Variants in NSD3 observed in about 807,000 individuals in gnomAD.
The protein encoded by NSD3 is histone-lysine N-methyltransferase NSD3.
Under a neutral mutation model 160.8 loss-of-function variants are expected in NSD3, and 24 were observed. The ratio of observed to expected loss-of-function variants is 0.15; its 90% CI spans 0.11 to 0.21. NSD3 has a LOEUF of 0.21. Ranked by LOEUF, NSD3 falls within the 10% of genes least tolerant of loss-of-function variation. The pLI, the probability that NSD3 is intolerant of heterozygous loss-of-function variation, is 1.00. For missense variants in NSD3, 1,157 were observed against 1,735.9 expected (o/e 0.67, Z 5.93); for synonymous variants, 520 against 600.0 (o/e 0.87, Z 1.95).
intron 19 of NSD3, among the ~76,000 whole-genome samples, chr8:38,287,778 G>A (rs1490427601): frequency 2.6e-5 from 4 of 151,426 alleles, no homozygotes; most frequent in Admixed American, 1.3e-4. Flanking sequence ...TCAGCCTCCC[G>A]AGTAGCTGGG....
In NSD3 at chr8:38,288,473, C is replaced by G. The variant is rs752973167; in HGVS notation, c.3501+14G>C. ...TTCTGGTCTCTTCCACCCCCCACCA[C>G]CATCCCATGCTACCTTCTTAATGCT... is the stretch of plus-strand genomic sequence containing the variant. On this transcript the variant is annotated intron_variant, in intron 19 of 23. Coordinates refer to ENST00000317025, the MANE Select transcript of NSD3 (RefSeq NM_023034.2). This position sits in a 1 kb window ranked among gnomAD's most constrained non-coding sequence, Gnocchi z 4.5. The G allele has an allele frequency of 6.2e-7, 1 of 1,612,060 alleles. No individual in the cohort carries two copies. The highest frequency in any genetic ancestry group is 8.5e-7 in the Non-Finnish European group (1 of 1,178,428).
Position 38,275,685 on chromosome 8 carries a change from AT to A in NSD3, c.4269del (p.Lys1423AsnfsTer13). The stretch of plus-strand genomic sequence containing the variant: ...CCATGATCTTGTGATTCCCATTTAC[AT>A]TTTATCTTGCTCCAGTATTCTGGTG... ...PVSPEYWSKI[K>X]CKWESQDHGE... On this transcript the variant is annotated frameshift_variant, in exon 24 of 24. Transcript: ENST00000317025. LOFTEE classifies it high-confidence loss of function. 1 of 1,614,108 alleles carries A rather than the reference AT, an allele frequency of 6.2e-7. No individual in the cohort carries two copies. The highest frequency in any genetic ancestry group is 2.2e-5 in the East Asian group (1 of 44,890).
At chr8:38,315,744 T>A (rs1011121526) in intron 10 of NSD3, among the ~76,000 whole-genome samples, 168 bp downstream of exon 10, 1 of 152,210 alleles carries the variant, frequency 6.6e-6, no homozygotes, top group African/African-American at 2.4e-5. Flanking sequence ...ACAAACAAAC[T>A]ATAGTTTTGT....
intron 17 of NSD3, among the ~76,000 whole-genome samples, chr8:38,290,050 T>C (rs1376101723): frequency 6.6e-6 from 1 of 151,972 alleles, no homozygotes; most frequent in African/African-American, 2.4e-5. Context: ...ACCCTATCTC[T>C]ATAAAAAGTA....
chr8:38,312,162 A>G (rs891716552), intron 12 of NSD3, among the ~76,000 whole-genome samples: 13 of 152,202 alleles, frequency 8.5e-5, no homozygotes, highest in South Asian at 2.1e-4. Context: ...TCTTTATGCC[A>G]GTATCACACT....
Position 38,304,623 on chromosome 8 carries a change from C to A in NSD3, c.2575G>T (p.Ala859Ser), listed in dbSNP as rs1355912305. ...ACGAAACAAAAGCCTACATTTACAG[C>A]AGAAGAATTACTGCTCCGTTTGGAA... is the stretch of plus-strand genomic sequence containing the variant. Reference protein sequence around the residue: ...NHSKRSSNSSAVNVGFCFVCA... With the variant: ...NHSKRSSNSSSVNVGFCFVCA... The change falls in exon 14 of 24, where the codon GCT becomes TCT. Residue 859 changes from alanine (A) to serine (S), a missense_variant. Physicochemically the swap from Ala to Ser is moderately conservative, Grantham distance 99 (BLOSUM62 1). Transcript: ENST00000317025. 6.2e-7 allele frequency: 1 copy of A among 1,613,238 alleles called. No homozygotes were observed. Among genetic ancestry groups the A allele is most frequent in the Non-Finnish European group, 8.5e-7 (1 of 1,179,724 alleles).
Position 38,304,729 on chromosome 8 carries a change from T to C in NSD3, c.2469A>G (p.Pro823=), listed in dbSNP as rs566817618. Residue 823 remains proline, a synonymous_variant, in exon 14 of 24, where the codon CCA becomes CCG. Transcript: ENST00000317025. The part of the protein sequence containing the change: ...KGRMMRCLRC[P]VAYHSGDACI... ...AAGCATCTCCAGAGTGATAGGCAAC[T>C]GGACATCTTAAACATCTCATCATGC... 2 of 1,612,718 alleles carry C rather than the reference T, an allele frequency of 1.2e-6. No homozygotes were observed. The highest frequency in any genetic ancestry group is 1.7e-5 in the Admixed American group (1 of 59,770).
intron 22 of NSD3, 146 bp downstream of exon 22, chr8:38,278,160 G>A (rs535475385): frequency 7.5e-4 from 397 of 527,428 alleles, no homozygotes; most frequent in East Asian, 5.1e-3. Flanking sequence ...GGATGGTCTC[G>A]ATCTCCTGAC....
intron 12 of NSD3, among the ~76,000 whole-genome samples, chr8:38,308,291 T>TAC (rs1214753207): frequency 3.9e-5 from 6 of 152,164 alleles, no homozygotes; most frequent in Non-Finnish European, 8.8e-5. Context: ...AGAAATAAAG[T>TAC]ACAGTAAGGT....
intron 19 of NSD3, among the ~76,000 whole-genome samples, chr8:38,282,794 G>A (rs960486752): frequency 3.9e-5 from 6 of 152,240 alleles, no homozygotes; most frequent in African/African-American, 1.4e-4. Context: ...TACCCAAGGT[G>A]CTGAGTATAT....
chr8:38,353,188 C>CA (rs1455849287), intron 1 of NSD3, among the ~76,000 whole-genome samples: 2 of 152,232 alleles, frequency 1.3e-5, no homozygotes, highest in East Asian at 1.9e-4. Context: ...TGGCTCACTG[C>CA]AAAAAAACCG....
chr8:38,306,519 G>C (rs1314704495), intron 12 of NSD3, among the ~76,000 whole-genome samples: 1 of 152,086 alleles, frequency 6.6e-6, no homozygotes, highest in Non-Finnish European at 1.5e-5. Context: ...AGGAAAAAAA[G>C]AAGAAACAAG....
chr8:38,341,260 C>T (rs1164209812), intron 2 of NSD3, among the ~76,000 whole-genome samples: 1 of 151,940 alleles, frequency 6.6e-6, no homozygotes, highest in African/African-American at 2.4e-5. Flanking sequence ...TTACAATCTG[C>T]CAGGCACAGT....
In NSD3 at chr8:38,289,577, G is replaced by A. The variant is rs370369722; in HGVS notation, c.3119-72C>T. The A allele has an allele frequency of 1.1e-3, 1,461 of 1,354,028 alleles. 3 individuals are homozygous for A. Among genetic ancestry groups the A allele is most frequent in the Non-Finnish European group, 1.4e-3 (1,323 of 967,054 alleles). 83.9% of individuals were successfully genotyped at this position (1,354,028 alleles called of 1,614,324 possible). On this transcript the variant is annotated intron_variant, in intron 17 of 23. Transcript: ENST00000317025. ...AAAATTGATGGGATAGTAGTTTTAC[G>A]CTGCCTTCCCAATGCTTTGCATCTG...
intron 19 of NSD3, among the ~76,000 whole-genome samples, chr8:38,287,256 G>T (rs1245467405): frequency 6.6e-6 from 1 of 152,026 alleles, no homozygotes; most frequent in Non-Finnish European, 1.5e-5. Flanking sequence ...TTTATTTATT[G>T]GGGAAATAGG....
chr8:38,285,558 T>G (rs939810811), intron 19 of NSD3, among the ~76,000 whole-genome samples: 1 of 152,242 alleles, frequency 6.6e-6, no homozygotes, highest in African/African-American at 2.4e-5. Flanking sequence ...CAAGACTGTT[T>G]AATAAGTTAT....
chr8:38,365,996 G>A (rs1811095983), intron 1 of NSD3, among the ~76,000 whole-genome samples: 1 of 150,964 alleles, frequency 6.6e-6, no homozygotes, highest in South Asian at 2.1e-4. Context: ...TACTGAAATG[G>A]AACTCTCGGG....
intron 12 of NSD3, among the ~76,000 whole-genome samples, chr8:38,307,020 C>G (rs1327437472): frequency 2.0e-5 from 3 of 150,582 alleles, no homozygotes; most frequent in Admixed American, 1.3e-4. Context: ...GAGGCAGAGG[C>G]AGGAGAATGG....
At chr8:38,300,213 G>A (rs567389660) in intron 14 of NSD3, among the ~76,000 whole-genome samples, 1 of 152,148 alleles carries the variant, frequency 6.6e-6, no homozygotes, top group African/African-American at 2.4e-5. Context: ...TCAGACTGGA[G>A]GGTAGTGGTG....
Sources: allele counts gnomAD v4.1 joint callset (sites outside exome capture counted in the v4.1 genomes callset), GRCh38; gene constraint gnomAD v4.1.1; non-coding constraint Gnocchi (gnomAD v3.1); transcripts MANE v1.5; gene names NCBI Gene and HGNC (gene_info 2026-07-23, HGNC 2026-07-21).